Variants in ANO1 observed in about 807,000 individuals in gnomAD.
ANO1 encodes the protein anoctamin 1, also known as anoctamin-1.
A neutral mutation model predicts 124.0 loss-of-function variants in ANO1; 59 were observed. The ratio of observed to expected loss-of-function variants is 0.48; its 90% CI spans 0.39 to 0.59. The LOEUF is 0.59. Among genes scored for constraint, ANO1 ranks in the 20% least tolerant of loss-of-function variants. The pLI, the probability that ANO1 is intolerant of heterozygous loss-of-function variation, is 0.00. For missense variants in ANO1, 1,059 were observed against 1,328.0 expected (o/e 0.80, Z 3.15); for synonymous variants, 529 against 532.0 (o/e 0.99, Z 0.08).
chr11:69,981,921 G>A (rs1188082086), upstream of ANO1, among the ~76,000 whole-genome samples: 1 of 152,198 alleles, frequency 6.6e-6, no homozygotes, highest in Non-Finnish European at 1.5e-5. Context: ...AATGAAAGAA[G>A]CCAGACACGA....
At chr11:70,025,669 T>C (rs1474651440) in intron 1 of ANO1, among the ~76,000 whole-genome samples, 2 of 151,432 alleles carry the variant, frequency 1.3e-5, no homozygotes, top group African/African-American at 2.4e-5. Flanking sequence ...ATGACAATAA[T>C]GATGGTGGTG....
At chr11:70,131,430 C>T (rs929832534) in intron 10 of ANO1, among the ~76,000 whole-genome samples, 1 of 152,094 alleles carries the variant, frequency 6.6e-6, no homozygotes, top group African/African-American at 2.4e-5. Flanking sequence ...AGGGTTCAAG[C>T]GATTCTTCTG....
chr11:70,158,434 G>A lies in ANO1; in HGVS notation c.1578+1413G>A, dbSNP rs574244411. On this transcript the variant is annotated intron_variant, in intron 16 of 25. Transcript: ENST00000355303. ...TGTGCACTGAGGGCCTCACCAGAGC[G>A]TCTCATCACTGGCCAGTCCTGGTAC... 1.6e-4 allele frequency among the ~76,000 whole-genome samples: 24 copies of A among 152,356 alleles called. No individual in the cohort carries two copies. In the East Asian group the frequency reaches 2.3e-3, roughly 15 times the overall value.
At chr11:70,005,770 G>T (rs1460343758) in intron 1 of ANO1, among the ~76,000 whole-genome samples, 1 of 152,124 alleles carries the variant, frequency 6.6e-6, no homozygotes, top group Admixed American at 6.5e-5. Flanking sequence ...CCTTTAAAGT[G>T]TCTCTCCATC....
At chr11:70,092,881 G>T (rs544686530) in intron 2 of ANO1, among the ~76,000 whole-genome samples, 2 of 152,154 alleles carry the variant, frequency 1.3e-5, no homozygotes, top group African/African-American at 4.8e-5. Context: ...TCCACAGGGC[G>T]GCCTTCAAAG....
intron 1 of ANO1, among the ~76,000 whole-genome samples, chr11:70,082,319 G>A (rs1375046974): frequency 6.6e-6 from 1 of 152,220 alleles, no homozygotes; most frequent in Non-Finnish European, 1.5e-5. Flanking sequence ...AGCACCTTGG[G>A]AGGCCGAGGC....
At chr11:70,006,675 T>C (rs1349350299) in intron 1 of ANO1, among the ~76,000 whole-genome samples, 1 of 131,106 alleles carries the variant, frequency 7.6e-6, no homozygotes, top group Non-Finnish European at 1.6e-5. Flanking sequence ...TTTTTTTTTT[T>C]TTTTTTTTTT....
chr11:70,119,821 G>A (rs1353368421), intron 8 of ANO1, among the ~76,000 whole-genome samples: 1 of 151,206 alleles, frequency 6.6e-6, no homozygotes, highest in Non-Finnish European at 1.5e-5. Context: ...ATGCCAGAGG[G>A]ATGAATAATT....
intron 11 of ANO1, among the ~76,000 whole-genome samples, chr11:70,139,731 A>G (rs2047080620): frequency 1.3e-5 from 2 of 152,222 alleles, no homozygotes; most frequent in Non-Finnish European, 2.9e-5. Flanking sequence ...ACATGTGTCT[A>G]TGGTAGAACA....
rs1181978665 is a variant in ANO1, at chr11:70,188,694, C to G, written c.*690C>G. The G allele has an allele frequency of 6.6e-6, 1 of 152,330 alleles. No homozygotes were observed. The highest frequency in any genetic ancestry group is 1.5e-5 in the Non-Finnish European group (1 of 68,194). The allele number at this position is 152,330 out of a possible 1,614,324, so 9.4% of individuals were successfully genotyped here. A position where few individuals can be genotyped will look rare whatever the true frequency, so the allele number is the denominator to read the frequency against. ...CTTGGCGTCCCCAGCAGGCTCCCCA[C>G]TGTCAGCCACACACCTGCCCCCATC... is the stretch of plus-strand genomic sequence containing the variant. On this transcript the variant is annotated 3_prime_UTR_variant, in exon 26 of 26. Coordinates refer to ENST00000355303, the MANE Select transcript of ANO1 (RefSeq NM_018043.7).
At chr11:69,966,033 C>T in the ANO1 span, among the ~76,000 whole-genome samples, 1 of 152,156 alleles carries the variant, frequency 6.6e-6, no homozygotes, top group African/African-American at 2.4e-5. Context: ...TGGAGATATA[C>T]AGCTCCTCAG....
intron 1 of ANO1, among the ~76,000 whole-genome samples, chr11:70,019,436 C>T (rs966961326): frequency 3.1e-4 from 47 of 152,154 alleles, no homozygotes; most frequent in Admixed American, 6.5e-5. Context: ...GAACAGGACT[C>T]GAGAGGGTGC....
intron 11 of ANO1, among the ~76,000 whole-genome samples, chr11:70,146,482 G>A (rs1415215056): frequency 6.6e-6 from 1 of 152,190 alleles, no homozygotes; most frequent in Non-Finnish European, 1.5e-5. Context: ...GTCTGGGAAA[G>A]AGGAGGAGCT....
intron 1 of ANO1, among the ~76,000 whole-genome samples, chr11:69,990,225 A>T (rs1554997284): frequency 6.6e-6 from 1 of 152,132 alleles, no homozygotes; most frequent in Non-Finnish European, 1.5e-5. Context: ...TCTATTCTAG[A>T]TACTTCATAT....
At chr11:70,127,956 G>A (rs2046589483) in intron 10 of ANO1, among the ~76,000 whole-genome samples, 1 of 152,220 alleles carries the variant, frequency 6.6e-6, no homozygotes, top group Non-Finnish European at 1.5e-5. Flanking sequence ...GCCCTAAAAT[G>A]TTAGTTTGGT....
chr11:70,149,205 G>A (rs112574067), intron 11 of ANO1, among the ~76,000 whole-genome samples: 20 of 152,300 alleles, frequency 1.3e-4, no homozygotes, highest in African/African-American at 4.8e-4. Context: ...CCTCGGTCGG[G>A]ACTTGAGTGT....
intron 1 of ANO1, among the ~76,000 whole-genome samples, chr11:70,006,475 C>T (rs1442209069): frequency 6.6e-6 from 1 of 152,106 alleles, no homozygotes; most frequent in Non-Finnish European, 1.5e-5. Flanking sequence ...GCTCTCTGCC[C>T]TGAACCCCAC....
Position 70,188,370 on chromosome 11 carries a change from T to C in ANO1, c.*366T>C. On this transcript the variant is annotated 3_prime_UTR_variant, in exon 26 of 26. Coordinates refer to ENST00000355303, the MANE Select transcript of ANO1 (RefSeq NM_018043.7). ...CCCGTAGAAACCCTCCTCTGAATCCTCCTAATTCCTTAAGATAGATGCAAA... is the reference window on the plus strand; with the variant it reads ...CCCGTAGAAACCCTCCTCTGAATCCCCCTAATTCCTTAAGATAGATGCAAA... 4.3e-6 allele frequency: 1 copy of C among 230,694 alleles called. No individual in the cohort carries two copies. Among genetic ancestry groups the C allele is most frequent in the South Asian group, 1.0e-4 (1 of 9,972 alleles). 14.3% of individuals were successfully genotyped at this position (230,694 alleles called of 1,614,324 possible).
intron 5 of ANO1, among the ~76,000 whole-genome samples, chr11:70,106,460 G>A (rs1038666169): frequency 1.3e-5 from 2 of 152,210 alleles, no homozygotes; most frequent in Non-Finnish European, 2.9e-5. Flanking sequence ...GGGCTGGGAG[G>A]AGACAGTCAG....
Sources: gnomAD v4.1 joint callset for allele counts (sites outside exome capture counted in the v4.1 genomes callset) on GRCh38, gnomAD v4.1.1 for gene constraint, MANE v1.5 for transcripts, NCBI Gene and HGNC (gene_info 2026-07-23, HGNC 2026-07-21) for gene names.